The following CGRRF1 variants were observed in gnomAD, a reference collection of about 807,000 sequenced individuals.
CGRRF1 encodes cell growth regulator with ring finger domain 1.
Under a neutral mutation model 37.2 loss-of-function variants are expected in CGRRF1, and 32 were observed. The observed-to-expected ratio is 0.86, with a 90% CI of 0.65 to 1.16. CGRRF1 has a LOEUF of 1.16. CGRRF1 is among the 50% of genes most tolerant of loss of function. The pLI is 0.00. For missense variants in CGRRF1, 391 were observed against 382.6 expected (o/e 1.02, Z -0.18); for synonymous variants, 141 against 140.3 (o/e 1.00, Z -0.04).
At chr14:54,531,179 AC>A in intron 4 of CGRRF1, 129 bp downstream of exon 4, 1 of 715,464 alleles carries the variant, frequency 1.4e-6, no homozygotes, top group Non-Finnish European at 2.3e-6. Flanking sequence ...ACAACTATAT[AC>A]CTATTTGGTT....
intron 2 of CGRRF1, among the ~76,000 whole-genome samples, chr14:54,522,938 C>T (rs181990056): frequency 1.3e-5 from 2 of 152,240 alleles, no homozygotes; most frequent in African/African-American, 4.8e-5. Context: ...ATACAGTTAA[C>T]GTAAGGTTGC....
intron 4 of CGRRF1, chr14:54,537,163 C>T (rs189495380): frequency 6.6e-6 from 1 of 152,244 alleles, no homozygotes; most frequent in East Asian, 1.9e-4. Flanking sequence ...CCTGTTTCAT[C>T]CATCTGTCTA....
chr14:54,512,683 C>A (rs928211520), intron 1 of CGRRF1, among the ~76,000 whole-genome samples: 8 of 152,174 alleles, frequency 5.3e-5, no homozygotes, highest in Non-Finnish European at 7.3e-5. Flanking sequence ...CTGTTGATTC[C>A]TTTTCTTGTC....
At position 54,538,465 on chromosome 14, in the gene CGRRF1, T is replaced by C. The variant is rs930132682; in HGVS notation, c.*82T>C. ...TTGGAATTCATCATAACATGGAATC[T>C]ACAGTACTGACCATCAATGAAAATT... On this transcript the variant is annotated 3_prime_UTR_variant, in exon 6 of 6. Transcript: ENST00000216420. 3.2e-6 allele frequency: 3 copies of C among 941,094 alleles called. No homozygotes were observed. The highest frequency in any genetic ancestry group is 3.2e-6 in the Non-Finnish European group (2 of 620,454). 58.3% of individuals were successfully genotyped at this position (941,094 alleles called of 1,614,324 possible). A position where few individuals can be genotyped will look rare whatever the true frequency, so the allele number is the denominator to read the frequency against.
intron 2 of CGRRF1, among the ~76,000 whole-genome samples, chr14:54,527,324 C>G (rs937274586): frequency 6.6e-6 from 1 of 151,992 alleles, no homozygotes; most frequent in Admixed American, 6.6e-5. Flanking sequence ...ATGTAATGGA[C>G]AAGTTTGTAA....
rs1161743737 is a variant in CGRRF1 at position 54,518,865 on chromosome 14, CA to C, written c.105-3584del. Among the ~76,000 whole-genome samples the C allele has an allele frequency of 4.6e-5, 7 of 152,252 alleles. No individual in the cohort carries two copies. In the East Asian group the frequency reaches 1.2e-3, roughly 25 times the overall value. On this transcript the variant is annotated intron_variant, in intron 1 of 5. Transcript: ENST00000216420. ...AGACCTTTGTCAGATGGATAGATTG[CA>C]AAAACATTTTATATTCATTTATACC...
intron 4 of CGRRF1, chr14:54,536,480 G>A (rs1358619310): frequency 6.6e-6 from 1 of 152,042 alleles, no homozygotes; most frequent in Non-Finnish European, 1.5e-5. Flanking sequence ...TATTGCCATT[G>A]GAATTGTACC....
Position 54,521,931 on chromosome 14 carries a change from A to T in CGRRF1, c.105-523A>T, listed in dbSNP as rs17127620. On this transcript the variant is annotated intron_variant, in intron 1 of 5. Coordinates refer to ENST00000216420, the MANE Select transcript of CGRRF1 (RefSeq NM_006568.3). Reference sequence around the variant, plus strand: ...ATCTCCATACTCCTTTGGTGTTATCAACAGTATTAACAATAGAACTCTTTG... The same window carrying T: ...ATCTCCATACTCCTTTGGTGTTATCTACAGTATTAACAATAGAACTCTTTG... Among the ~76,000 whole-genome samples, 784 of 152,302 alleles carry T rather than the reference A, an allele frequency of 5.1e-3. 10 individuals carry two copies. The highest frequency in any genetic ancestry group is 0.018 in the African/African-American group (756 of 41,562).
chr14:54,514,683 G>A (rs773629695), intron 1 of CGRRF1, among the ~76,000 whole-genome samples: 2 of 152,198 alleles, frequency 1.3e-5, no homozygotes, highest in Non-Finnish European at 2.9e-5. Flanking sequence ...ACTTATAAGT[G>A]AGAACATGCT....
intron 2 of CGRRF1, among the ~76,000 whole-genome samples, chr14:54,528,281 C>T (rs2032448579): frequency 2.0e-5 from 3 of 147,906 alleles, no homozygotes; most frequent in African/African-American, 5.0e-5. Flanking sequence ...GGCACGATCT[C>T]GGCTCACTGT....
chr14:54,516,917 A>G (rs2032227719), intron 1 of CGRRF1, among the ~76,000 whole-genome samples: 1 of 152,084 alleles, frequency 6.6e-6, no homozygotes, highest in South Asian at 2.1e-4. Flanking sequence ...CTAATCTTTT[A>G]TTGTGCAATA....
chr14:54,524,147 CAGCAGTCATCAA>C (rs1566509667), intron 2 of CGRRF1, among the ~76,000 whole-genome samples: 1 of 152,130 alleles, frequency 6.6e-6, no homozygotes, highest in Non-Finnish European at 1.5e-5. Context: ...TTTTGACCCC[CAGCAGTCATCAA>C]ATCCAGTGGG....
At chr14:54,525,749 T>G (rs2032400848) in intron 2 of CGRRF1, among the ~76,000 whole-genome samples, 1 of 152,224 alleles carries the variant, frequency 6.6e-6, no homozygotes, top group African/African-American at 2.4e-5. Flanking sequence ...GTACCCAAAC[T>G]GCCTGACATA....
intron 2 of CGRRF1, among the ~76,000 whole-genome samples, chr14:54,523,845 C>A (rs1223916749): frequency 2.0e-5 from 3 of 152,196 alleles, no homozygotes; most frequent in African/African-American, 7.2e-5. Flanking sequence ...GTCCTAGATA[C>A]AGTTCTGTAG....
chr14:54,515,131 C>T (rs895940844), intron 1 of CGRRF1, among the ~76,000 whole-genome samples: 1 of 148,784 alleles, frequency 6.7e-6, no homozygotes, highest in Non-Finnish European at 1.5e-5. Flanking sequence ...GCTCTGTCAC[C>T]AGGCTGGAGT....
chr14:54,521,437 G>C (rs2032315166), intron 1 of CGRRF1, among the ~76,000 whole-genome samples: 1 of 151,454 alleles, frequency 6.6e-6, no homozygotes, highest in Admixed American at 6.6e-5. Flanking sequence ...CTCCAGCCTG[G>C]GCAACAAGAA....
In CGRRF1 at chr14:54,530,979, C is replaced by A. The variant is rs528877642; in HGVS notation, c.499C>A (p.Pro167Thr). 6.2e-7 allele frequency: 1 copy of A among 1,609,986 alleles called. No individual in the cohort carries two copies. ...TAAAATTGAAGACTTTGGTACAGTA[C>A]CCAGATCTCGCTATCCATTGGTAGC... ...DTKIEDFGTV[P>T]RSRYPLVALL... The change falls in exon 4 of 6, where the codon CCC (proline) becomes ACC (threonine). Residue 167 changes from proline to threonine, a missense_variant. By Grantham distance (38) the Pro-to-Thr change is conservative. Transcript: ENST00000216420.
At chr14:54,510,409 C>G (rs991944228) in intron 1 of CGRRF1, 2 of 328,650 alleles carry the variant, frequency 6.1e-6, no homozygotes, top group Non-Finnish European at 1.1e-5. Flanking sequence ...GGCTTCTGTC[C>G]CGGATTCGGG....
Position 54,530,046 on chromosome 14 carries a change from C to T in CGRRF1, c.245-3C>T, listed in dbSNP as rs376690291. ...TTCATTCTTTCTCCTTTGTTTTTTACAGCTGGCATAACCTTGACAACAGAT... is the reference window on the plus strand; with the variant it reads ...TTCATTCTTTCTCCTTTGTTTTTTATAGCTGGCATAACCTTGACAACAGAT... On this transcript the variant is annotated splice_polypyrimidine_tract_variant and splice_region_variant and intron_variant, in intron 2 of 5. Transcript: ENST00000216420. The T allele has an allele frequency of 1.2e-4, 192 of 1,599,198 alleles. No individual in the cohort carries two copies. The African/African-American group carries it at 1.6e-3, about 14-fold the overall frequency.
Sources: gnomAD v4.1 joint callset for allele counts (sites outside exome capture counted in the v4.1 genomes callset) on GRCh38, gnomAD v4.1.1 for gene constraint, MANE v1.5 for transcripts, NCBI Gene and HGNC (gene_info 2026-07-23, HGNC 2026-07-21) for gene names.